Variants in YTHDC1 observed in about 807,000 individuals in gnomAD.
The protein encoded by YTHDC1 is YTH domain-containing protein 1.
Under a neutral mutation model 107.0 loss-of-function variants are expected in YTHDC1, and 12 were observed. The observed-to-expected ratio is 0.11, with a 90% CI of 0.07 to 0.18. The LOEUF is 0.18. Ranked by LOEUF, YTHDC1 falls within the 10% of genes least tolerant of loss-of-function variation. The pLI, the probability that YTHDC1 is intolerant of heterozygous loss-of-function variation, is 1.00. For synonymous variants in YTHDC1, 280 were observed against 289.5 expected, an observed-to-expected ratio of 0.97 and a Z score of 0.33; for missense variants, 635 against 898.8, an observed-to-expected ratio of 0.71 and a Z score of 3.75.
chr4:68,332,314 A>T (rs890946947), intron 6 of YTHDC1, 117 bp from the exon 7 acceptor site: 6 of 557,054 alleles, frequency 1.1e-5, no homozygotes, highest in Non-Finnish European at 1.8e-5. Flanking sequence ...AAAACGCAAC[A>T]ATCACCCATT....
Position 68,310,913 on chromosome 4 carries a change from G to A in YTHDC1, c.*3186C>T, listed in dbSNP as rs189757460. 2 of 152,230 alleles carry A rather than the reference G, an allele frequency of 1.3e-5. No homozygotes were observed. Among genetic ancestry groups the A allele is most frequent in the Admixed American group, 1.3e-4 (2 of 15,294 alleles). The allele number at this position is 152,230 out of a possible 1,614,324, so 9.4% of individuals were successfully genotyped here. On this transcript the variant is annotated 3_prime_UTR_variant, in exon 17 of 17. Transcript: ENST00000344157. ...CAGCAGAATGTAGATATATCCAAGGGCAAGATGCCACACCTGTGATGGCAA... is the reference window on the plus strand; with the variant it reads ...CAGCAGAATGTAGATATATCCAAGGACAAGATGCCACACCTGTGATGGCAA...
chr4:68,311,963 A>G lies in YTHDC1; in HGVS notation c.*2136T>C, dbSNP rs1052975191. ...CGAGTTTGAGACCAGCCTGGCCAAC[A>G]TGTTGGAACCCCATCTCTACTAAAA... is the stretch of plus-strand genomic sequence containing the variant. On this transcript the variant is annotated 3_prime_UTR_variant, in exon 17 of 17. Coordinates refer to ENST00000344157, the MANE Select transcript of YTHDC1 (RefSeq NM_001031732.4). The G allele has an allele frequency of 6.6e-6, 1 of 152,038 alleles. No homozygotes were observed. The highest frequency in any genetic ancestry group is 1.9e-4 in the East Asian group (1 of 5,182). 9.4% of individuals were successfully genotyped at this position (152,038 alleles called of 1,614,324 possible).
intron 1 of YTHDC1, among the ~76,000 whole-genome samples, chr4:68,341,322 C>A (rs532414654): frequency 6.6e-6 from 1 of 152,142 alleles, no homozygotes; most frequent in East Asian, 1.9e-4. Flanking sequence ...TATACTAGAA[C>A]ATAAATTTCA....
At chr4:68,319,036 TAGG>T (rs1560473599) in intron 12 of YTHDC1, among the ~76,000 whole-genome samples, 174 bp from the exon 13 acceptor site, 1 of 152,218 alleles carries the variant, frequency 6.6e-6, no homozygotes, top group Admixed American at 6.5e-5. Context: ...CATGATAATC[TAGG>T]AAATAACTAA....
chr4:68,346,519 A>G (rs1240275836), intron 1 of YTHDC1, among the ~76,000 whole-genome samples: 7 of 152,236 alleles, frequency 4.6e-5, no homozygotes, highest in Admixed American at 1.3e-4. Context: ...GAAATAATTC[A>G]TAAGTTTTAA....
intron 1 of YTHDC1, among the ~76,000 whole-genome samples, chr4:68,341,457 A>G (rs1310935551): frequency 1.3e-5 from 2 of 152,208 alleles, no homozygotes; most frequent in Non-Finnish European, 2.9e-5. Context: ...ATTATAGTCC[A>G]TAACATCAAT....
chr4:68,318,365 C>T (rs948629836), intron 15 of YTHDC1, among the ~76,000 whole-genome samples, 154 bp downstream of exon 15: 13 of 152,210 alleles, frequency 8.5e-5, no homozygotes, highest in Admixed American at 3.3e-4. Flanking sequence ...GCCTCAGCCT[C>T]CCAAAGTGCT....
At chr4:68,335,747 A>C (rs1325754599) in intron 4 of YTHDC1, among the ~76,000 whole-genome samples, 2 of 151,940 alleles carry the variant, frequency 1.3e-5, no homozygotes, top group East Asian at 3.9e-4. Flanking sequence ...TTAAATTATA[A>C]AAAATATATC....
intron 1 of YTHDC1, among the ~76,000 whole-genome samples, chr4:68,338,869 CA>C (rs1458894504): frequency 6.6e-6 from 1 of 152,096 alleles, no homozygotes; most frequent in African/African-American, 2.4e-5. Flanking sequence ...CACACACAAA[CA>C]GAAGTCTGGG....
In YTHDC1 at chr4:68,316,307, C is replaced by A. The variant is rs531008551; in HGVS notation, c.1959+7G>T. ...TCCCTCACACCTTTGCCTCCTTGTG[C>A]ACTTACTACTCGTTTATCTCTGTAT... On this transcript the variant is annotated splice_region_variant and intron_variant, in intron 16 of 16. Transcript: ENST00000344157. 2 of 1,609,592 alleles carry A rather than the reference C, an allele frequency of 1.2e-6. No homozygotes were observed. Among genetic ancestry groups the A allele is most frequent in the Admixed American group, 1.7e-5 (1 of 59,370 alleles).
At position 68,313,253 on chromosome 4, in the gene YTHDC1, T is replaced by C. The variant is rs1286070514; in HGVS notation, c.*846A>G. On this transcript the variant is annotated 3_prime_UTR_variant, in exon 17 of 17. Transcript: ENST00000344157. ...TCCTAAAATTCCTGAACAAAAAGCA[T>C]GCTTTTATGTCCATTATTGCATAAT... 2 of 152,456 alleles carry C rather than the reference T, an allele frequency of 1.3e-5. No individual in the cohort carries two copies. Among genetic ancestry groups the C allele is most frequent in the Non-Finnish European group, 2.9e-5 (2 of 68,038 alleles). 9.4% of individuals were successfully genotyped at this position (152,456 alleles called of 1,614,324 possible).
chr4:68,334,746 T>C (rs1467577365), intron 4 of YTHDC1, among the ~76,000 whole-genome samples: 1 of 152,126 alleles, frequency 6.6e-6, no homozygotes, highest in Non-Finnish European at 1.5e-5. Context: ...AAAAAGGGCC[T>C]GGTGCAGTTG....
intron 12 of YTHDC1, among the ~76,000 whole-genome samples, chr4:68,319,566 C>A (rs1213703690): frequency 6.6e-6 from 1 of 152,100 alleles, no homozygotes; most frequent in Non-Finnish European, 1.5e-5. Context: ...CTCCTAACTG[C>A]CTAAGTTTCA....
At position 68,318,588 on chromosome 4, in the gene YTHDC1, T is replaced by C. The variant is rs763516649; in HGVS notation, c.1762-7A>G. On this transcript the variant is annotated splice_region_variant and splice_polypyrimidine_tract_variant and intron_variant, in intron 14 of 16. Coordinates refer to ENST00000344157, the MANE Select transcript of YTHDC1 (RefSeq NM_001031732.4). ...TCACATAATCATTGTAGGACTAAAATAAAAGATGATAATGTCAATATAATT... is the reference window on the plus strand; with the variant it reads ...TCACATAATCATTGTAGGACTAAAACAAAAGATGATAATGTCAATATAATT... 4 of 1,610,740 alleles carry C rather than the reference T, an allele frequency of 2.5e-6. No homozygotes were observed. The Admixed American group carries it at 6.7e-5, about 27-fold the overall frequency.
At chr4:68,344,110 T>C (rs1003908201) in intron 1 of YTHDC1, 2 of 151,912 alleles carry the variant, frequency 1.3e-5, no homozygotes, top group Admixed American at 1.3e-4. Context: ...GTAACATATG[T>C]CAAAGTTTTG....
At chr4:68,332,627 T>A (rs564587758) in intron 6 of YTHDC1, among the ~76,000 whole-genome samples, 167 bp downstream of exon 6, 1 of 152,058 alleles carries the variant, frequency 6.6e-6, no homozygotes, top group Non-Finnish European at 1.5e-5. Context: ...CTAAAAAATA[T>A]GCAGTAAGAA....
chr4:68,312,471 TTTAA>T lies in YTHDC1; in HGVS notation c.*1624_*1627del, dbSNP rs1172627720. The T allele has an allele frequency of 3.3e-5, 5 of 152,250 alleles. No individual in the cohort carries two copies. The highest frequency in any genetic ancestry group is 2.1e-4 in the South Asian group (1 of 4,816). 9.4% of individuals were successfully genotyped at this position (152,250 alleles called of 1,614,324 possible). On this transcript the variant is annotated 3_prime_UTR_variant, in exon 17 of 17. Transcript: ENST00000344157. The stretch of plus-strand genomic sequence containing the variant: ...TGACTTACCATGTATCACTAACCGG[TTTAA>T]TTAAAGACAATGACAAAACTAGAAC...
chr4:68,328,929 T>C (rs751419720), intron 9 of YTHDC1, among the ~76,000 whole-genome samples: 2 of 152,228 alleles, frequency 1.3e-5, no homozygotes, highest in African/African-American at 4.8e-5. Context: ...AAAATACTTG[T>C]GTATCTAAAC....
chr4:68,324,052 G>T, intron 10 of YTHDC1, 87 bp downstream of exon 10: 1 of 1,225,096 alleles, frequency 8.2e-7, no homozygotes. Flanking sequence ...TCTTTCATCA[G>T]AAACGGTTAA....
Sources: allele counts gnomAD v4.1 joint callset (sites outside exome capture counted in the v4.1 genomes callset), GRCh38; gene constraint gnomAD v4.1.1; transcripts MANE v1.5; gene names NCBI Gene and HGNC (gene_info 2026-07-23, HGNC 2026-07-21).